NEFH: variants seen among roughly 807,000 people sequenced by gnomAD.
NEFH encodes neurofilament heavy chain.
Under a neutral mutation model 56.6 loss-of-function variants are expected in NEFH, and 58 were observed. The observed-to-expected ratio is 1.03, with a 90% CI of 0.83 to 1.28. The LOEUF (loss-of-function observed/expected upper bound fraction) is 1.28, where lower values mean the gene tolerates loss of function less well. Among genes scored for constraint, NEFH ranks in the 50% most tolerant of loss-of-function variants. NEFH has a pLI of 0.00. For missense variants in NEFH, 1,221 were observed against 1,307.6 expected, an observed-to-expected ratio of 0.93 and a Z score of 1.02; for synonymous variants, 542 against 545.8, an observed-to-expected ratio of 0.99 and a Z score of 0.10.
Position 29,480,242 on chromosome 22 carries a change from C to G in NEFH, c.-21C>G, listed in dbSNP as rs953679626. On this transcript the variant is annotated 5_prime_UTR_variant, in exon 1 of 4. Transcript: ENST00000310624. The stretch of plus-strand genomic sequence containing the variant: ...CGCAGTGCCTCCCGCCCCGTCCCGG[C>G]CTCGCGCACCTGCTCAGGCCATGAT... The G allele has an allele frequency of 6.7e-7, 1 of 1,496,526 alleles. No homozygotes were observed. Among genetic ancestry groups the G allele is most frequent in the Non-Finnish European group, 8.8e-7 (1 of 1,132,424 alleles). The allele number at this position is 1,496,526 out of a possible 1,614,324, so 92.7% of individuals were successfully genotyped here.
Position 29,480,807 on chromosome 22 carries a change from G to A in NEFH, c.545G>A (p.Arg182His). 1 of 1,404,060 alleles carries A rather than the reference G, an allele frequency of 7.1e-7. No individual in the cohort carries two copies. Among genetic ancestry groups the A allele is most frequent in the Non-Finnish European group, 9.2e-7 (1 of 1,090,456 alleles). 87.0% of individuals were successfully genotyped at this position (1,404,060 alleles called of 1,614,324 possible). A position where few individuals can be genotyped will look rare whatever the true frequency, so the allele number is the denominator to read the frequency against. The change falls in exon 1 of 4, where the codon CGC (arginine) becomes CAC (histidine). Residue 182 changes from arginine to histidine, a missense_variant. By Grantham distance (29) the Arg-to-His change is conservative. Around this residue, in one of 4 missense-constraint regions of NEFH, gnomAD observed 640 missense variants for 555.5 expected, o/e 1.15. Transcript: ENST00000310624. The part of the protein sequence containing the change: ...EHLLEDIAHV[R>H]QRLDDEARQR... The stretch of plus-strand genomic sequence containing the variant: ...CTGCTCGAGGACATCGCGCACGTGC[G>A]CCAGCGCCTAGACGACGAGGCCCGG...
At chr22:29,488,638 G>C (rs1198094299) in intron 3 of NEFH, among the ~76,000 whole-genome samples, 4 of 151,992 alleles carry the variant, frequency 2.6e-5, no homozygotes, top group Non-Finnish European at 5.9e-5. Flanking sequence ...AACAAAAAAA[G>C]ACCAGTCCCA....
Position 29,480,599 on chromosome 22 carries a change from G to T in NEFH, c.337G>T (p.Asp113Tyr). The change falls in exon 1 of 4, where the codon GAC becomes TAC. Residue 113 changes from aspartate to tyrosine, a missense_variant. By Grantham distance (160) the Asp-to-Tyr change is radical. Coordinates refer to ENST00000310624, the MANE Select transcript of NEFH (RefSeq NM_021076.4). ...ALNDRFAGYI[D>Y]KVRQLEAHNR... is the part of the protein sequence containing the mutation. ...GAACGACCGCTTCGCCGGGTACATC[G>T]ACAAGGTGCGGCAGCTGGAGGCGCA... 6.4e-7 allele frequency: 1 copy of T among 1,563,042 alleles called. No homozygotes were observed. Among genetic ancestry groups the T allele is most frequent in the East Asian group, 2.3e-5 (1 of 43,254 alleles).
At position 29,480,912 on chromosome 22, in the gene NEFH, A is replaced by T. The variant is rs2063002380; in HGVS notation, c.650A>T (p.Gln217Leu). Residue 217 changes from glutamine (Q) to leucine (L), a missense_variant, in exon 1 of 4, where the codon CAG becomes CTG. Physicochemically the swap from Gln to Leu is moderately radical, Grantham distance 113. Transcript: ENST00000310624. ...QEAEAARVDL[Q>L]KKAQALQEEC... ...GCCGAGGCGGCGCGCGTGGACCTGC[A>T]GAAGAAGGCGCAGGCGCTGCAGGAG... 6.6e-7 allele frequency: 1 copy of T among 1,506,994 alleles called. No homozygotes were observed. The highest frequency in any genetic ancestry group is 1.4e-5 in the African/African-American group (1 of 69,218). 93.4% of individuals were successfully genotyped at this position (1,506,994 alleles called of 1,614,324 possible).
At position 29,490,161 on chromosome 22, in the gene NEFH, A is replaced by T; in HGVS notation, c.2521A>T (p.Lys841Ter). Residue 841 changes from lysine (K) to a stop codon, truncating the protein, a stop_gained, in exon 4 of 4, where the codon AAG (lysine) becomes TAG (stop). Coordinates refer to ENST00000310624, the MANE Select transcript of NEFH (RefSeq NM_021076.4). LOFTEE classifies it high-confidence loss of function. ...GGTGAAAGTCAAAGAGCCCCCAAAG[A>T]AGGCAGAGGAAGAGAAAGCCCCTGC... Reference protein sequence around the residue: ...QEVKVKEPPKKAEEEKAPATP... With the variant: ...QEVKVKEPPK 1.2e-6 allele frequency: 2 copies of T among 1,613,456 alleles called. No individual in the cohort carries two copies. The highest frequency in any genetic ancestry group is 1.7e-6 in the Non-Finnish European group (2 of 1,179,746).
rs772280985 is a variant in NEFH at position 29,480,420 on chromosome 22, C to T, written c.158C>T (p.Thr53Met). Residue 53 changes from threonine (T) to methionine (M), a missense_variant, in exon 1 of 4, where the codon ACG (threonine) becomes ATG (methionine). By Grantham distance (81) the Thr-to-Met change is moderately conservative (BLOSUM62 -1). Around this residue, in one of 4 missense-constraint regions of NEFH, gnomAD observed 640 missense variants for 555.5 expected, o/e 1.15. Coordinates refer to ENST00000310624, the MANE Select transcript of NEFH (RefSeq NM_021076.4). ...AGCGGCTTCCACTCGTGGACACGGA[C>T]GTCCGTGAGCTCCGTGTCCGCCTCG... ...SSSGFHSWTRTSVSSVSASPS... is the reference protein window; with the variant it reads ...SSSGFHSWTRMSVSSVSASPS... 17 of 1,532,402 alleles carry T rather than the reference C, an allele frequency of 1.1e-5. No individual in the cohort carries two copies. The African/African-American group carries it at 2.2e-4, about 20-fold the overall frequency. The allele number at this position is 1,532,402 out of a possible 1,614,324, so 94.9% of individuals were successfully genotyped here. A position where few individuals can be genotyped will look rare whatever the true frequency, so the allele number is the denominator to read the frequency against.
rs1258107914 is a variant in NEFH, at chr22:29,480,433, C to G, written c.171C>G (p.Ser57=). The change falls in exon 1 of 4, where the codon TCC becomes TCG. Residue 57 remains serine, a synonymous_variant. Transcript: ENST00000310624. ...CGTGGACACGGACGTCCGTGAGCTC[C>G]GTGTCCGCCTCGCCCAGCCGCTTCC... is the stretch of plus-strand genomic sequence containing the variant. The part of the protein sequence containing the change: ...FHSWTRTSVS[S]VSASPSRFRG... 1.3e-6 allele frequency: 2 copies of G among 1,531,864 alleles called. No individual in the cohort carries two copies. The highest frequency in any genetic ancestry group is 1.7e-6 in the Non-Finnish European group (2 of 1,145,828). The allele number at this position is 1,531,864 out of a possible 1,614,324, so 94.9% of individuals were successfully genotyped here.
At chr22:29,484,933 C>T (rs1249563421) in intron 2 of NEFH, among the ~76,000 whole-genome samples, 1 of 152,098 alleles carries the variant, frequency 6.6e-6, no homozygotes, top group Non-Finnish European at 1.5e-5. Flanking sequence ...CTTCCGGGCT[C>T]AAGTAATCCT....
In NEFH at chr22:29,480,767, C is replaced by T. The variant is rs1277092292; in HGVS notation, c.505C>T (p.Leu169=). 6 of 1,445,484 alleles carry T rather than the reference C, an allele frequency of 4.2e-6. No homozygotes were observed. The highest frequency in any genetic ancestry group is 5.4e-6 in the Non-Finnish European group (6 of 1,110,942). The allele number at this position is 1,445,484 out of a possible 1,614,324, so 89.5% of individuals were successfully genotyped here. The change falls in exon 1 of 4, where the codon CTG becomes TTG. Residue 169 remains leucine, a synonymous_variant. Transcript: ENST00000310624. ...GGGCGCGGCGCGCGGTCAGCTACGC[C>T]TGGAGCAGGAGCACCTGCTCGAGGA... ...RLGAARGQLR[L]EQEHLLEDIA...
intron 2 of NEFH, among the ~76,000 whole-genome samples, chr22:29,485,207 A>G (rs1157664007): frequency 6.6e-6 from 1 of 152,096 alleles, no homozygotes; most frequent in Non-Finnish European, 1.5e-5. Context: ...GGTTCAAGCA[A>G]TTCTCCTGTC....
Position 29,488,950 on chromosome 22 carries a change from AG to A in NEFH, c.1312del (p.Val438Ter). The A allele has an allele frequency of 1.9e-6, 3 of 1,614,214 alleles. No homozygotes were observed. The highest frequency in any genetic ancestry group is 2.5e-6 in the Non-Finnish European group (3 of 1,180,042). ...ATTCCCTCTGTGTCCACTCACATAA[AG>A]GTGAAAAGCGAAGAGAAGATCAAAG... ...PKIPSVSTHI[K>X]VKSEEKIKVV... On this transcript the variant is annotated frameshift_variant, in exon 4 of 4. Transcript: ENST00000310624. LOFTEE classifies it low-confidence loss of function (END_TRUNC).
chr22:29,490,047 C>T lies in NEFH; in HGVS notation c.2407C>T (p.Leu803=), dbSNP rs151109578. The T allele has an allele frequency of 5.7e-5, 92 of 1,612,832 alleles. No homozygotes were observed. Among genetic ancestry groups the T allele is most frequent in the Non-Finnish European group, 7.7e-5 (91 of 1,179,608 alleles). ...VKSPEKAKSP[L]KEDAKAPEKE... ...GTCCCCAGAGAAGGCGAAATCTCCC[C>T]TGAAGGAGGATGCCAAGGCCCCTGA... The change falls in exon 4 of 4, where the codon CTG becomes TTG. Residue 803 remains leucine (L), a synonymous_variant. Transcript: ENST00000310624.
chr22:29,482,386 A>C (rs878864547), intron 1 of NEFH, among the ~76,000 whole-genome samples: 2 of 152,060 alleles, frequency 1.3e-5, no homozygotes, highest in Non-Finnish European at 1.5e-5. Context: ...CACTTTTACG[A>C]GCTAAAGACC....
In NEFH at chr22:29,490,019, C is replaced by T; in HGVS notation, c.2379C>T (p.Val793=). Residue 793 remains valine, a synonymous_variant, in exon 4 of 4, where the codon GTC becomes GTT. Coordinates refer to ENST00000310624, the MANE Select transcript of NEFH (RefSeq NM_021076.4). The part of the protein sequence containing the change: ...EKAKSPVKEE[V]KSPEKAKSPL... ...CCAAAAGCCCTGTCAAGGAGGAGGT[C>T]AAGTCCCCAGAGAAGGCGAAATCTC... 2 of 1,613,746 alleles carry T rather than the reference C, an allele frequency of 1.2e-6. No individual in the cohort carries two copies. Among genetic ancestry groups the T allele is most frequent in the South Asian group, 1.1e-5 (1 of 91,044 alleles).
At chr22:29,486,999 T>C (rs2063048594) in intron 3 of NEFH, among the ~76,000 whole-genome samples, 1 of 152,194 alleles carries the variant, frequency 6.6e-6, no homozygotes. Context: ...AGCATTCATT[T>C]CTTGGGGATA....
intron 2 of NEFH, among the ~76,000 whole-genome samples, chr22:29,484,218 G>A (rs1171934203): frequency 2.0e-5 from 3 of 152,158 alleles, no homozygotes; most frequent in Admixed American, 6.5e-5. Flanking sequence ...TTCAACATTC[G>A]AATCTTTCTA....
chr22:29,487,801 C>T (rs998133264), intron 3 of NEFH, among the ~76,000 whole-genome samples: 3 of 152,254 alleles, frequency 2.0e-5, no homozygotes, highest in African/African-American at 7.2e-5. Flanking sequence ...GACAAGCATT[C>T]TGCCAAGTCT....
Position 29,480,351 on chromosome 22 carries a change from G to C in NEFH, c.89G>C (p.Arg30Pro). The stretch of plus-strand genomic sequence containing the variant: ...GGCAGCCTCCACTACGCGCTAGCCC[G>C]AAAGGGTGGCGCAGGCGGGACGCGC... ...GGGSLHYALA[R>P]KGGAGGTRSA... The change falls in exon 1 of 4, where the codon CGA (arginine) becomes CCA (proline). Residue 30 changes from arginine to proline, a missense_variant. This residue lies in a region of NEFH where 640 missense variants were observed against 555.5 expected (regional missense o/e 1.15). Coordinates refer to ENST00000310624, the MANE Select transcript of NEFH (RefSeq NM_021076.4). The C allele has an allele frequency of 6.5e-7, 1 of 1,535,012 alleles. No homozygotes were observed. Among genetic ancestry groups the C allele is most frequent in the Non-Finnish European group, 8.7e-7 (1 of 1,148,740 alleles).
At position 29,480,248 on chromosome 22, in the gene NEFH, G is replaced by T; in HGVS notation, c.-15G>T. On this transcript the variant is annotated 5_prime_UTR_variant, in exon 1 of 4. Transcript: ENST00000310624. ...GCCTCCCGCCCCGTCCCGGCCTCGC[G>T]CACCTGCTCAGGCCATGATGAGCTT... 2 of 1,497,914 alleles carry T rather than the reference G, an allele frequency of 1.3e-6. No homozygotes were observed. The highest frequency in any genetic ancestry group is 2.5e-5 in the South Asian group (2 of 79,868). The allele number at this position is 1,497,914 out of a possible 1,614,324, so 92.8% of individuals were successfully genotyped here.
Sources: gnomAD v4.1 joint callset for allele counts (sites outside exome capture counted in the v4.1 genomes callset) on GRCh38, gnomAD v4.1.1 for gene constraint, gnomAD v4.1.1 regional missense constraint, MANE v1.5 for transcripts, NCBI Gene and HGNC (gene_info 2026-07-23, HGNC 2026-07-21) for gene names.